Variants in GMDS observed in about 807,000 individuals in gnomAD.
GMDS encodes GDP-mannose 4,6 dehydratase.
A neutral mutation model predicts 49.9 loss-of-function variants in GMDS; 20 were observed. The ratio of observed to expected loss-of-function variants is 0.40; its 90% confidence interval spans 0.28 to 0.58. The LOEUF is 0.58. GMDS is among the 20% of genes least tolerant of loss of function. GMDS has a pLI of 0.42. For missense variants in GMDS, 362 were observed against 481.4 expected, an observed-to-expected ratio of 0.75 and a Z score of 2.32; for synonymous variants, 177 against 178.6, an observed-to-expected ratio of 0.99 and a Z score of 0.07.
intron 1 of GMDS, among the ~76,000 whole-genome samples, chr6:2,225,515 C>A (rs1780776163): frequency 1.3e-5 from 2 of 152,208 alleles, no homozygotes; most frequent in Non-Finnish European, 2.9e-5. Context: ...CCACAGCTCT[C>A]TTCCATAAGT....
intron 9 of GMDS, among the ~76,000 whole-genome samples, chr6:1,715,859 A>G (rs1015605936): frequency 3.9e-5 from 6 of 152,234 alleles, no homozygotes; most frequent in African/African-American, 1.4e-4. Flanking sequence ...CCTCCACAAC[A>G]AAAACTGATT....
chr6:1,884,006 T>C (rs1561864394), intron 7 of GMDS, among the ~76,000 whole-genome samples: 1 of 152,220 alleles, frequency 6.6e-6, no homozygotes, highest in Non-Finnish European at 1.5e-5. Flanking sequence ...ATATTTATTA[T>C]ACAATTTTTA....
chr6:1,722,260 A>ATTATTATTATTATTATTT (rs59203891), intron 9 of GMDS, among the ~76,000 whole-genome samples: 5,343 of 140,770 alleles, frequency 0.038, 156 homozygotes, highest in Non-Finnish European at 0.052. Context: ...TAGTAGTAGT[A>ATTATTATTATTATTATTT]GTATTTTTAG....
intron 8 of GMDS, among the ~76,000 whole-genome samples, chr6:1,733,468 C>A (rs2064316): frequency 2.6e-5 from 4 of 152,148 alleles, no homozygotes; most frequent in African/African-American, 7.2e-5. Flanking sequence ...CAGGCAGTGA[C>A]TGGAGGGACC....
chr6:1,876,811 TA>T (rs1271505036), intron 7 of GMDS, among the ~76,000 whole-genome samples: 1 of 152,174 alleles, frequency 6.6e-6, no homozygotes, highest in Non-Finnish European at 1.5e-5. Context: ...TGATTTCTAG[TA>T]AAAAATAAGA....
chr6:2,103,720 T>C (rs571833905), intron 4 of GMDS, among the ~76,000 whole-genome samples: 5 of 152,318 alleles, frequency 3.3e-5, no homozygotes, highest in African/African-American at 9.6e-5. Flanking sequence ...TTCTAAAACT[T>C]GAAAATTACC....
At chr6:2,139,748 C>T (rs927194345) in intron 1 of GMDS, among the ~76,000 whole-genome samples, 8 of 152,110 alleles carry the variant, frequency 5.3e-5, no homozygotes, top group African/African-American at 1.9e-4. Flanking sequence ...TATTCCACAC[C>T]GCCAGAAGTT....
chr6:1,783,639 C>T (rs1769199345), intron 7 of GMDS, among the ~76,000 whole-genome samples: 1 of 152,168 alleles, frequency 6.6e-6, no homozygotes. Context: ...TTAGGAGAAG[C>T]CATGATGTTT....
At chr6:2,030,670 A>C (rs1221136188) in intron 4 of GMDS, among the ~76,000 whole-genome samples, 1 of 152,140 alleles carries the variant, frequency 6.6e-6, no homozygotes, top group Non-Finnish European at 1.5e-5. Context: ...TTACTTTCTG[A>C]GGGTGAAGGT....
intron 4 of GMDS, among the ~76,000 whole-genome samples, chr6:2,022,758 A>T (rs989105313): frequency 1.3e-5 from 2 of 152,210 alleles, no homozygotes; most frequent in Admixed American, 6.5e-5. Context: ...CCAAAAGAGC[A>T]GAGATTTTAC....
rs1341838030 is a variant in GMDS, at chr6:2,191,087, G to GT, written c.102+54233dup. ...GCCCACTACAGGGACCCAGCCAGTGGTGCGGTCACCACGCCCACTGCACCA... is the reference window on the plus strand; with the variant it reads ...GCCCACTACAGGGACCCAGCCAGTGGTTGCGGTCACCACGCCCACTGCACCA... On this transcript the variant is annotated intron_variant, in intron 1 of 10. Transcript: ENST00000380815. The surrounding 1 kb of genome is among the most constrained non-coding windows in gnomAD (Gnocchi z 4.6). Among the ~76,000 whole-genome samples the GT allele has an allele frequency of 3.3e-5, 5 of 152,084 alleles. No individual in the cohort carries two copies. The highest frequency in any genetic ancestry group is 7.4e-5 in the Non-Finnish European group (5 of 67,968).
intron 7 of GMDS, among the ~76,000 whole-genome samples, chr6:1,870,244 C>T (rs1176116146): frequency 6.6e-6 from 1 of 152,188 alleles, no homozygotes; most frequent in Non-Finnish European, 1.5e-5. Flanking sequence ...CAGGTTTGTA[C>T]AGAGAAGTGC....
At chr6:1,855,859 T>A (rs187359575) in intron 7 of GMDS, among the ~76,000 whole-genome samples, 265 of 152,348 alleles carry the variant, frequency 1.7e-3, no homozygotes, top group South Asian at 4.8e-3. Context: ...CTCTTTTCTA[T>A]CTGCTACTAC....
chr6:1,684,155 G>C (rs577913421), intron 9 of GMDS, among the ~76,000 whole-genome samples: 47 of 152,274 alleles, frequency 3.1e-4, no homozygotes, highest in Non-Finnish European at 6.3e-4. Context: ...CCTTGGTGAA[G>C]TGGGAGTCAC....
intron 4 of GMDS, among the ~76,000 whole-genome samples, chr6:1,973,488 A>G (rs919159213): frequency 1.3e-5 from 2 of 152,150 alleles, no homozygotes; most frequent in Non-Finnish European, 2.9e-5. Flanking sequence ...AAATCAGGGG[A>G]TTAAAAATAT....
intron 7 of GMDS, among the ~76,000 whole-genome samples, chr6:1,820,942 T>C (rs1049185247): frequency 6.6e-6 from 1 of 152,232 alleles, no homozygotes; most frequent in Non-Finnish European, 1.5e-5. Context: ...CAGGCCTGCC[T>C]GTCACTAACT....
chr6:1,799,418 G>C (rs1769861266), intron 7 of GMDS, among the ~76,000 whole-genome samples: 1 of 152,120 alleles, frequency 6.6e-6, no homozygotes, highest in East Asian at 1.9e-4. Context: ...CCTGCCTTTG[G>C]TCTAGTTTTC....
At chr6:1,969,306 A>AAAG (rs1173967497) in intron 4 of GMDS, among the ~76,000 whole-genome samples, 2 of 149,998 alleles carry the variant, frequency 1.3e-5, no homozygotes, top group African/African-American at 2.4e-5. Flanking sequence ...AGAAAGAAAA[A>AAAG]AAGAAATTAG....
chr6:1,785,312 A>G (rs751866326), intron 7 of GMDS, among the ~76,000 whole-genome samples: 6 of 152,234 alleles, frequency 3.9e-5, no homozygotes, highest in Non-Finnish European at 7.3e-5. Context: ...AGAGCTCTAG[A>G]TGGTAGGTCA....
Sources: allele counts gnomAD v4.1 joint callset (sites outside exome capture counted in the v4.1 genomes callset), GRCh38; gene constraint gnomAD v4.1.1; non-coding constraint Gnocchi (gnomAD v3.1); transcripts MANE v1.5; gene names NCBI Gene and HGNC (gene_info 2026-07-23, HGNC 2026-07-21).